Variants in TSNARE1 observed in about 807,000 individuals in gnomAD.
The protein encoded by TSNARE1 is t-SNARE domain-containing protein 1.
TSNARE1 carries 49 observed loss-of-function variants against 62.0 expected under a neutral mutation model. That is an observed-to-expected ratio of 0.79 (90% confidence interval 0.63 to 1.00). The LOEUF is 1.00. Among genes scored for constraint, TSNARE1 ranks in the 50% least tolerant of loss-of-function variants. TSNARE1 has a pLI of 0.00. For missense variants in TSNARE1, 755 were observed against 700.1 expected, an observed-to-expected ratio of 1.08 and a Z score of -0.88; for synonymous variants, 328 against 294.4, an observed-to-expected ratio of 1.11 and a Z score of -1.17.
intron 1 of TSNARE1, among the ~76,000 whole-genome samples, chr8:142,371,731 G>A (rs1268352059): frequency 2.0e-5 from 3 of 152,168 alleles, no homozygotes; most frequent in East Asian, 1.9e-4. Context: ...CTTAAGGTAT[G>A]TGTCTCTTAC....
At chr8:142,289,931 C>A (rs1394428100) in intron 10 of TSNARE1, among the ~76,000 whole-genome samples, 1 of 152,172 alleles carries the variant, frequency 6.6e-6, no homozygotes, top group Non-Finnish European at 1.5e-5. Flanking sequence ...CAAGGATGGG[C>A]CCAGAGAGGG....
chr8:142,322,912 G>A (rs1829688237), intron 6 of TSNARE1, among the ~76,000 whole-genome samples: 1 of 151,898 alleles, frequency 6.6e-6, no homozygotes, highest in Non-Finnish European at 1.5e-5. Flanking sequence ...GTGTCCATGG[G>A]CTGGATGATA....
At chr8:142,363,598 G>C (rs955892230) in intron 1 of TSNARE1, among the ~76,000 whole-genome samples, 5 of 152,162 alleles carry the variant, frequency 3.3e-5, no homozygotes, top group Non-Finnish European at 2.9e-5. Context: ...GGCGTTCCCA[G>C]GGAATCCTGA....
intron 9 of TSNARE1, among the ~76,000 whole-genome samples, chr8:142,312,980 A>ATGTGTGTCTGCATGTCTGCATCTATC (rs1467687216): frequency 6.6e-6 from 1 of 152,108 alleles, no homozygotes; most frequent in Non-Finnish European, 1.5e-5. Flanking sequence ...TGTTGGATCC[A>ATGTGTGTCTGCATGTCTGCATCTATC]TGTGTGTCTG....
At chr8:142,355,092 T>A (rs916422299) in intron 1 of TSNARE1, among the ~76,000 whole-genome samples, 1 of 152,094 alleles carries the variant, frequency 6.6e-6, no homozygotes, top group Non-Finnish European at 1.5e-5. Context: ...ACCGCCAGCC[T>A]CCCAGGTGGC....
intron 11 of TSNARE1, chr8:142,277,983 C>A (rs1018175290): frequency 1.0e-6 from 1 of 985,416 alleles, no homozygotes; most frequent in East Asian, 1.1e-4. Context: ...CCCATAGGAC[C>A]CTTGGCTGCA....
intron 11 of TSNARE1, among the ~76,000 whole-genome samples, chr8:142,282,402 A>T (rs1246963490): frequency 6.7e-6 from 1 of 150,302 alleles, no homozygotes; most frequent in Non-Finnish European, 1.5e-5. Context: ...GTCAATGATC[A>T]GGGTGGGGCC....
At chr8:142,356,916 A>G (rs561873968) in intron 1 of TSNARE1, among the ~76,000 whole-genome samples, 1 of 152,078 alleles carries the variant, frequency 6.6e-6, no homozygotes, top group Admixed American at 6.5e-5. Flanking sequence ...GGCTGTGTTA[A>G]CAGCCCCAGG....
At chr8:142,280,616 C>G (rs1202521033) in intron 11 of TSNARE1, among the ~76,000 whole-genome samples, 1 of 152,212 alleles carries the variant, frequency 6.6e-6, no homozygotes, top group Admixed American at 6.5e-5. Flanking sequence ...CTTCCCTGAA[C>G]TGCTGGCATG....
In TSNARE1 at chr8:142,344,362, TG is replaced by T; in HGVS notation, c.348del (p.Ser117AlafsTer24). 6.4e-7 allele frequency: 1 copy of T among 1,569,678 alleles called. No homozygotes were observed. The highest frequency in any genetic ancestry group is 1.4e-5 in the African/African-American group (1 of 73,082). On this transcript the variant is annotated frameshift_variant, in exon 4 of 14. Transcript: ENST00000524325. LOFTEE classifies it high-confidence loss of function. ...AAGPHGRMAG[P>X]STTRAKKRKP... ...TTCCTCTTCTTGGCCCGGGTAGTGC[TG>T]GGCCCCGCCATCCGGCCATGGGGCC...
rs187043284 is a variant in TSNARE1 at position 142,322,870 on chromosome 8, T to C, written c.894-4236A>G. On this transcript the variant is annotated intron_variant, in intron 6 of 13. Transcript: ENST00000524325. ...CGGCCTGGCCGTGTCTGTGGGCTGA[T>C]GACGATATTGTTATGAAAGGCCAGC... Among the ~76,000 whole-genome samples, 489 of 142,724 alleles carry C rather than the reference T, an allele frequency of 3.4e-3. 2 individuals are homozygous for C. The highest frequency in any genetic ancestry group is 5.7e-3 in the Non-Finnish European group (374 of 65,680). The allele number at this position is 142,724 out of a possible 152,430, so 93.6% of individuals were successfully genotyped here.
At chr8:142,246,721 G>A (rs935450928) in intron 12 of TSNARE1, among the ~76,000 whole-genome samples, 15 of 152,176 alleles carry the variant, frequency 9.9e-5, no homozygotes, top group African/African-American at 2.9e-4. Flanking sequence ...AGTGAGATGC[G>A]CAGACACGGG....
At chr8:142,368,535 G>A (rs1835717025) in intron 1 of TSNARE1, among the ~76,000 whole-genome samples, 1 of 152,172 alleles carries the variant, frequency 6.6e-6, no homozygotes, top group African/African-American at 2.4e-5. Flanking sequence ...GAGAGTCCCA[G>A]GAGAGAAGAT....
chr8:142,379,196 G>T (rs1048457871), intron 1 of TSNARE1, among the ~76,000 whole-genome samples: 2 of 152,256 alleles, frequency 1.3e-5, no homozygotes, highest in Non-Finnish European at 2.9e-5. Context: ...CTCCTCATCT[G>T]TATAGTGGGC....
intron 12 of TSNARE1, among the ~76,000 whole-genome samples, chr8:142,246,999 C>T (rs1161063225): frequency 2.6e-5 from 4 of 152,218 alleles, no homozygotes; most frequent in Non-Finnish European, 4.4e-5. Flanking sequence ...CACATCTGTG[C>T]CTGCCAGGTG....
At chr8:142,306,866 A>AAGGATAT (rs1826777770) in intron 9 of TSNARE1, among the ~76,000 whole-genome samples, 1 of 152,228 alleles carries the variant, frequency 6.6e-6, no homozygotes, top group Non-Finnish European at 1.5e-5. Flanking sequence ...GCCAGGTGCA[A>AAGGATAT]AGGATATAGC....
At chr8:142,265,316 G>A (rs746679697) in intron 12 of TSNARE1, among the ~76,000 whole-genome samples, 5 of 152,094 alleles carry the variant, frequency 3.3e-5, no homozygotes, top group African/African-American at 9.7e-5. Context: ...CTGTGATCTC[G>A]CCCTTTTGAG....
At position 142,346,025 on chromosome 8, in the gene TSNARE1, T is replaced by C. The variant is rs1013770686; in HGVS notation, c.89-133A>G. On this transcript the variant is annotated intron_variant, in intron 2 of 13. Coordinates refer to ENST00000524325, the MANE Select transcript of TSNARE1 (RefSeq NM_145003.5). ...TCAGGGCTCCTCCTCCAGGAAGCCC[T>C]CCCTGCCTGCTATATCCTCTGGATC... The C allele has an allele frequency of 1.4e-5, 14 of 1,023,216 alleles. No individual in the cohort carries two copies. The East Asian group carries it at 3.7e-4, about 27-fold the overall frequency. 63.4% of individuals were successfully genotyped at this position (1,023,216 alleles called of 1,614,324 possible).
intron 12 of TSNARE1, among the ~76,000 whole-genome samples, chr8:142,263,218 T>A (rs932528460): frequency 6.6e-6 from 1 of 152,278 alleles, no homozygotes; most frequent in Non-Finnish European, 1.5e-5. Flanking sequence ...CTTAAAAATA[T>A]GAATGGGTAT....
Sources: gnomAD v4.1 joint callset for allele counts (sites outside exome capture counted in the v4.1 genomes callset) on GRCh38, gnomAD v4.1.1 for gene constraint, MANE v1.5 for transcripts, NCBI Gene and HGNC (gene_info 2026-07-23, HGNC 2026-07-21) for gene names.